AGBL4: variants seen among roughly 807,000 people sequenced by gnomAD.
The protein encoded by AGBL4 is cytosolic carboxypeptidase 6.
Under a neutral mutation model 66.4 loss-of-function variants are expected in AGBL4, and 58 were observed. The ratio of observed to expected loss-of-function variants is 0.87; its 90% CI spans 0.71 to 1.09. The LOEUF (loss-of-function observed/expected upper bound fraction) is 1.09. Ranked by LOEUF, AGBL4 falls within the 50% of genes least tolerant of loss-of-function variation. The probability of loss-of-function intolerance (pLI) is 0.00; values close to 1 mark genes in which losing one functional copy is unlikely to be tolerated. For synonymous variants in AGBL4, 234 were observed against 222.9 expected, an observed-to-expected ratio of 1.05 and a Z score of -0.44; for missense variants, 579 against 631.0, an observed-to-expected ratio of 0.92 and a Z score of 0.88.
chr1:49,212,824 G>A (rs575294637), intron 4 of AGBL4, among the ~76,000 whole-genome samples: 1 of 152,146 alleles, frequency 6.6e-6, no homozygotes, highest in Admixed American at 6.5e-5. Context: ...TTATAATTGA[G>A]TTTTCTATTA....
At chr1:48,832,305 A>T (rs1334806947) in intron 6 of AGBL4, among the ~76,000 whole-genome samples, 2 of 152,180 alleles carry the variant, frequency 1.3e-5, no homozygotes, top group Non-Finnish European at 2.9e-5. Flanking sequence ...TAGTCACACA[A>T]ATAAACATCC....
intron 4 of AGBL4, among the ~76,000 whole-genome samples, chr1:49,085,429 T>C (rs1644888886): frequency 6.6e-6 from 1 of 152,022 alleles, no homozygotes; most frequent in Admixed American, 6.6e-5. Context: ...GTTCTCTAGC[T>C]TGCAGGTAGC....
intron 9 of AGBL4, among the ~76,000 whole-genome samples, chr1:48,598,497 C>A (rs945370728): frequency 6.6e-6 from 1 of 151,900 alleles, no homozygotes; most frequent in African/African-American, 2.4e-5. Context: ...TTTAATGAGG[C>A]CAGGCATGGT....
intron 1 of AGBL4, among the ~76,000 whole-genome samples, chr1:49,897,901 G>A (rs1053609769): frequency 6.6e-6 from 1 of 151,744 alleles, no homozygotes; most frequent in Non-Finnish European, 1.5e-5. Flanking sequence ...TGGTAAACTG[G>A]ATATCCACAT....
intron 6 of AGBL4, among the ~76,000 whole-genome samples, chr1:48,696,202 C>A (rs148740550): frequency 4.7e-4 from 71 of 152,298 alleles, no homozygotes; most frequent in African/African-American, 1.7e-3. Flanking sequence ...CAGCTAGGGT[C>A]TGTGGGGGAT....
intron 3 of AGBL4, among the ~76,000 whole-genome samples, chr1:49,663,248 A>T (rs760525049): frequency 4.6e-5 from 7 of 152,140 alleles, no homozygotes; most frequent in Non-Finnish European, 1.0e-4. Context: ...TTTCCTTCCC[A>T]TAGCACAGAG....
At chr1:49,069,649 T>A (rs1644560542) in intron 4 of AGBL4, among the ~76,000 whole-genome samples, 1 of 151,926 alleles carries the variant, frequency 6.6e-6, no homozygotes, top group Non-Finnish European at 1.5e-5. Context: ...GTAGTATAGT[T>A]TGAAGTCAGG....
At chr1:49,128,516 G>A (rs562776497) in intron 4 of AGBL4, among the ~76,000 whole-genome samples, 8 of 151,960 alleles carry the variant, frequency 5.3e-5, no homozygotes, top group South Asian at 2.1e-4. Context: ...CATATAGATC[G>A]ATGGAACAGA....
chr1:48,680,522 TC>T (rs1224510872), intron 6 of AGBL4, among the ~76,000 whole-genome samples: 1 of 152,074 alleles, frequency 6.6e-6, no homozygotes, highest in Non-Finnish European at 1.5e-5. Context: ...ACACAATCAC[TC>T]CCCGACCCTG....
intron 5 of AGBL4, among the ~76,000 whole-genome samples, chr1:48,916,789 T>C (rs1653621103): frequency 1.3e-5 from 2 of 152,176 alleles, no homozygotes; most frequent in South Asian, 4.1e-4. Context: ...AGGGGTCGTT[T>C]TTCTTTAAGG....
At chr1:48,631,313 T>A (rs551015481) in intron 9 of AGBL4, among the ~76,000 whole-genome samples, 2 of 152,338 alleles carry the variant, frequency 1.3e-5, no homozygotes, top group South Asian at 4.1e-4. Flanking sequence ...TGAAGTCAAA[T>A]GTGAATTTGA....
At chr1:49,590,777 A>G (rs1644737456) in intron 3 of AGBL4, among the ~76,000 whole-genome samples, 1 of 152,088 alleles carries the variant, frequency 6.6e-6, no homozygotes, top group Non-Finnish European at 1.5e-5. Flanking sequence ...TATGCATTAA[A>G]TAATTAGTGA....
At chr1:49,118,870 A>G (rs1054730459) in intron 4 of AGBL4, among the ~76,000 whole-genome samples, 1 of 152,000 alleles carries the variant, frequency 6.6e-6, no homozygotes, top group African/African-American at 2.4e-5. Context: ...TGCCTCGATT[A>G]CAGAACCTGT....
intron 5 of AGBL4, among the ~76,000 whole-genome samples, chr1:48,875,653 G>A (rs1388204783): frequency 1.3e-5 from 2 of 152,090 alleles, no homozygotes; most frequent in Admixed American, 6.6e-5. Context: ...AGCCTCTGGC[G>A]GCCGGCACAA....
Position 48,658,580 on chromosome 1 carries a change from A to G in AGBL4, c.724+4572T>C, listed in dbSNP as rs1190143739. On this transcript the variant is annotated intron_variant, in intron 7 of 13. Coordinates refer to ENST00000371839, the MANE Select transcript of AGBL4 (RefSeq NM_032785.4). ...TATAAGTCCTCACCCTCCTGCCCCCAACTCTGCCCATTTCACAGATGAAGA... is the reference window on the plus strand; with the variant it reads ...TATAAGTCCTCACCCTCCTGCCCCCGACTCTGCCCATTTCACAGATGAAGA... Among the ~76,000 whole-genome samples, 3 of 152,150 alleles carry G rather than the reference A, an allele frequency of 2.0e-5. No homozygotes were observed. The South Asian group carries it at 6.2e-4, about 32-fold the overall frequency.
intron 3 of AGBL4, among the ~76,000 whole-genome samples, chr1:49,352,390 G>A (rs953444537): frequency 9.3e-5 from 3 of 32,202 alleles, no homozygotes; most frequent in African/African-American, 2.6e-4. Context: ...TTTTTTTTTT[G>A]TGGAAAGGAA....
intron 1 of AGBL4, among the ~76,000 whole-genome samples, chr1:49,883,469 C>A (rs901319665): frequency 6.6e-5 from 10 of 151,974 alleles, no homozygotes; most frequent in African/African-American, 2.4e-4. Flanking sequence ...TTATGTGTAT[C>A]TTTTTACCTC....
chr1:49,009,348 T>C (rs1484064935), intron 5 of AGBL4, among the ~76,000 whole-genome samples: 1 of 151,998 alleles, frequency 6.6e-6, no homozygotes, highest in Non-Finnish European at 1.5e-5. Context: ...AATCTCTGAA[T>C]AGACCAATAA....
chr1:49,658,168 A>T (rs1023277739), intron 3 of AGBL4, among the ~76,000 whole-genome samples: 1 of 152,156 alleles, frequency 6.6e-6, no homozygotes, highest in Non-Finnish European at 1.5e-5. Context: ...CAAGAAAAAA[A>T]CAAACAACCC....
Sources: allele counts gnomAD v4.1 joint callset (sites outside exome capture counted in the v4.1 genomes callset), GRCh38; gene constraint gnomAD v4.1.1; transcripts MANE v1.5; gene names NCBI Gene and HGNC (gene_info 2026-07-23, HGNC 2026-07-21).